Variants in PFKFB3 observed in about 807,000 individuals in gnomAD.
PFKFB3 encodes 6-phosphofructo-2-kinase/fructose-2,6-biphosphatase 3.
PFKFB3 carries 33 observed loss-of-function variants against 68.0 expected under a neutral mutation model. The observed-to-expected ratio is 0.49, with a 90% CI of 0.37 to 0.65. The LOEUF (loss-of-function observed/expected upper bound fraction) is 0.65. PFKFB3 is among the 30% of genes least tolerant of loss of function. The pLI, the probability that PFKFB3 is intolerant of heterozygous loss-of-function variation, is 0.00. For synonymous variants in PFKFB3, 315 were observed against 288.2 expected (o/e 1.09, Z -0.94); for missense variants, 586 against 712.2 (o/e 0.82, Z 2.02).
the PFKFB3 span, among the ~76,000 whole-genome samples, chr10:6,278,196 G>A: frequency 7.1e-3 from 1,074 of 152,226 alleles, 9 homozygotes; most frequent in African/African-American, 0.025. Context: ...GATTACAGGC[G>A]TGAGCCGCAG....
chr10:6,187,531 C>T (rs1316071490), intron 1 of PFKFB3, among the ~76,000 whole-genome samples: 2 of 152,142 alleles, frequency 1.3e-5, no homozygotes, highest in Non-Finnish European at 2.9e-5. Context: ...CTCTAGGCTG[C>T]GTCTCTACAA....
chr10:6,150,485 G>A (rs973670562), intron 1 of PFKFB3, among the ~76,000 whole-genome samples: 10 of 151,674 alleles, frequency 6.6e-5, no homozygotes, highest in South Asian at 2.1e-4. Flanking sequence ...TTAACTGGGC[G>A]TGGTGGTGGG....
chr10:6,199,658 A>AT (rs143309528), upstream of PFKFB3, among the ~76,000 whole-genome samples: 13,877 of 75,482 alleles, frequency 0.18, 1,653 homozygotes, highest in Middle Eastern at 0.24. Context: ...CTATTTTTAA[A>AT]TTTTTTTTTT....
chr10:6,295,929 T>G, the PFKFB3 span, among the ~76,000 whole-genome samples: 1 of 152,170 alleles, frequency 6.6e-6, no homozygotes, highest in Non-Finnish European at 1.5e-5. Flanking sequence ...AGCTTTCAAT[T>G]CTCAAGCTAG....
In PFKFB3 at chr10:6,206,396, CG is replaced by C. The variant is rs1159333567; in HGVS notation, c.76+3061del. 4.4e-3 allele frequency among the ~76,000 whole-genome samples: 572 copies of C among 130,868 alleles called. 23 individuals are homozygous for C. The highest frequency in any genetic ancestry group is 0.016 in the African/African-American group (518 of 33,012). 85.9% of individuals were successfully genotyped at this position (130,868 alleles called of 152,430 possible). The stretch of plus-strand genomic sequence containing the variant: ...ACCATCCGATTTCTCAATCTTTCCC[CG>C]CCCCTTTCCCCCCTTTCTATTCCAC... On this transcript the variant is annotated intron_variant, in intron 1 of 14. Transcript: ENST00000379775.
rs937079678 is a variant in PFKFB3 at position 6,222,466 on chromosome 10, C to T, written c.1084-389C>T. The stretch of plus-strand genomic sequence containing the variant: ...CCACAAATTCCAGGCCTTTCCCTCA[C>T]TGCACAAAGAAACCCAGACCTGTTA... On this transcript the variant is annotated intron_variant, in intron 10 of 14. Transcript: ENST00000379775. 7.2e-5 allele frequency among the ~76,000 whole-genome samples: 11 copies of T among 152,366 alleles called. No individual in the cohort carries two copies. The South Asian group carries it at 1.9e-3, about 26-fold the overall frequency.
intron 1 of PFKFB3, among the ~76,000 whole-genome samples, chr10:6,171,324 G>T (rs1050356045): frequency 6.6e-6 from 1 of 151,832 alleles, no homozygotes; most frequent in African/African-American, 2.4e-5. Context: ...CAAAGTGCTG[G>T]GATTACAGAC....
At chr10:6,276,437 A>T in the PFKFB3 span, among the ~76,000 whole-genome samples, 1 of 152,110 alleles carries the variant, frequency 6.6e-6, no homozygotes, top group East Asian at 1.9e-4. Flanking sequence ...AATGCCAAAA[A>T]GAGAAATCTC....
Position 6,146,270 on chromosome 10 carries a change from G to A in PFKFB3, c.16+1257G>A. On this transcript the variant is annotated intron_variant, in intron 1 of 14. Transcript: ENST00000379789. ...GCCAGCGTGATGCTACGGTTGCCTG[G>A]AGGCTGTACCGGACTTGTTTTTCAA... 4 of 1,472,444 alleles carry A rather than the reference G, an allele frequency of 2.7e-6. No individual in the cohort carries two copies. The South Asian group carries it at 4.0e-5, about 15-fold the overall frequency. The allele number at this position is 1,472,444 out of a possible 1,614,324, so 91.2% of individuals were successfully genotyped here. A position where few individuals can be genotyped will look rare whatever the true frequency, so the allele number is the denominator to read the frequency against.
chr10:6,189,781 C>T (rs947460437), intron 1 of PFKFB3, among the ~76,000 whole-genome samples: 2 of 151,914 alleles, frequency 1.3e-5, no homozygotes, highest in Non-Finnish European at 2.9e-5. Flanking sequence ...TCCCAGAGTG[C>T]TGGGATTACA....
intron 1 of PFKFB3, among the ~76,000 whole-genome samples, chr10:6,147,442 G>A (rs1163448143): frequency 6.6e-6 from 1 of 152,192 alleles, no homozygotes; most frequent in Admixed American, 6.5e-5. Context: ...CTCTTGACAA[G>A]CTTCAGACTT....
At chr10:6,171,943 C>G (rs1480441996) in intron 1 of PFKFB3, among the ~76,000 whole-genome samples, 3 of 152,240 alleles carry the variant, frequency 2.0e-5, no homozygotes, top group Non-Finnish European at 4.4e-5. Context: ...ATAGATCTGG[C>G]TGGAGCCCAA....
chr10:6,189,056 G>A (rs1439657792), intron 1 of PFKFB3, among the ~76,000 whole-genome samples: 1 of 152,164 alleles, frequency 6.6e-6, no homozygotes. Flanking sequence ...AGCCAGGATG[G>A]TCTCGATCTC....
rs186761158 is a variant in PFKFB3, at chr10:6,229,079, T to C, written c.1515+2714T>C. 2.7e-4 allele frequency: 142 copies of C among 527,574 alleles called. 1 individual carries two copies. In the East Asian group the frequency reaches 6.5e-3, roughly 24 times the overall value. 32.7% of individuals were successfully genotyped at this position (527,574 alleles called of 1,614,324 possible). ...ACCCGCCCCTTTATTTCCTGTTTGCTCCTTAAGTTACCTTAACTACTTTAT... is the reference window on the plus strand; with the variant it reads ...ACCCGCCCCTTTATTTCCTGTTTGCCCCTTAAGTTACCTTAACTACTTTAT... On this transcript the variant is annotated intron_variant, in intron 14 of 14. Transcript: ENST00000379775. The surrounding 1 kb of genome is among the most constrained non-coding windows in gnomAD (Gnocchi z 4.3).
rs1025746469 is a variant in PFKFB3, at chr10:6,154,521, C to G, written c.16+9508C>G. On this transcript the variant is annotated intron_variant, in intron 1 of 14. Transcript: ENST00000379789. The surrounding 1 kb of genome is among the most constrained non-coding windows in gnomAD (Gnocchi z 4.6). ...CCTCGGCCTTCCAAAGTGCTGGGAT[C>G]ATAGGCGCGAGCCACCGCGCCTGGT... Among the ~76,000 whole-genome samples the G allele has an allele frequency of 5.3e-5, 8 of 152,002 alleles. No homozygotes were observed. The highest frequency in any genetic ancestry group is 1.9e-4 in the African/African-American group (8 of 41,368).
Position 6,222,088 on chromosome 10 carries a change from C to G in PFKFB3, c.1083+343C>G, listed in dbSNP as rs182279116. On this transcript the variant is annotated intron_variant, in intron 10 of 14. Coordinates refer to ENST00000379775, the MANE Select transcript of PFKFB3 (RefSeq NM_004566.4). ...GTCTGTGCTTCCCCGTGCACGGTGCCCGGGTGGCTGTGGCTGAGGACGCTG... is the reference window on the plus strand; with the variant it reads ...GTCTGTGCTTCCCCGTGCACGGTGCGCGGGTGGCTGTGGCTGAGGACGCTG... 5.1e-4 allele frequency among the ~76,000 whole-genome samples: 78 copies of G among 152,200 alleles called. 1 individual carries two copies. In the Middle Eastern group the frequency reaches 0.027, roughly 53 times the overall value.
Position 6,158,512 on chromosome 10 carries a change from C to T in PFKFB3, c.16+13499C>T, listed in dbSNP as rs974427531. Among the ~76,000 whole-genome samples, 18 of 152,008 alleles carry T rather than the reference C, an allele frequency of 1.2e-4. 1 individual carries two copies. Among genetic ancestry groups the T allele is most frequent in the Admixed American group, 1.0e-3 (16 of 15,244 alleles). On this transcript the variant is annotated intron_variant, in intron 1 of 14. Coordinates refer to the PFKFB3 transcript ENST00000379789. ...AGCCCCTCACACATTGCTGGTGGGC[C>T]GATAAGTGGTACAAATGCCTTGGAG...
At chr10:6,216,831 G>T (rs190538826) in intron 5 of PFKFB3, 51 bp downstream of exon 5, 7 of 1,363,672 alleles carry the variant, frequency 5.1e-6, no homozygotes, top group Admixed American at 1.7e-5. Context: ...AGAGGAAAAG[G>T]CTTCAGGAAG....
intron 14 of PFKFB3, among the ~76,000 whole-genome samples, chr10:6,246,878 C>G (rs1846274327): frequency 6.6e-6 from 1 of 152,144 alleles, no homozygotes; most frequent in African/African-American, 2.4e-5. Context: ...CTCTAGGACG[C>G]TGGAGAAAAA....
Sources: allele counts gnomAD v4.1 joint callset (sites outside exome capture counted in the v4.1 genomes callset), GRCh38; gene constraint gnomAD v4.1.1; non-coding constraint Gnocchi (gnomAD v3.1); transcripts MANE v1.5; gene names NCBI Gene and HGNC (gene_info 2026-07-23, HGNC 2026-07-21).